RBM20: variants seen among roughly 807,000 people sequenced by gnomAD.
The protein encoded by RBM20 is RNA-binding protein 20.
RBM20 carries 51 observed loss-of-function variants against 110.1 expected under a neutral mutation model. The observed-to-expected ratio is 0.46, with a 90% confidence interval of 0.37 to 0.59. The LOEUF is 0.59. Among genes scored for constraint, RBM20 ranks in the 20% least tolerant of loss-of-function variants. The pLI, the probability that RBM20 is intolerant of heterozygous loss-of-function variation, is 0.00. For missense variants in RBM20, 1,512 were observed against 1,574.9 expected (o/e 0.96, Z 0.68); for synonymous variants, 589 against 618.2 (o/e 0.95, Z 0.70).
chr10:110,667,993 G>A (rs1862204010), intron 1 of RBM20, among the ~76,000 whole-genome samples: 3 of 152,176 alleles, frequency 2.0e-5, no homozygotes, highest in Admixed American at 6.5e-5. Flanking sequence ...AATAGAACAT[G>A]CTGCATTTCC....
Position 110,820,708 on chromosome 10 carries a change from G to A in RBM20, c.2655+532G>A, listed in dbSNP as rs60838227. Among the ~76,000 whole-genome samples the A allele has an allele frequency of 9.4e-3, 1,439 of 152,344 alleles. 18 individuals are homozygous for A. Among genetic ancestry groups the A allele is most frequent in the South Asian group, 0.05 (242 of 4,826 alleles). On this transcript the variant is annotated intron_variant, in intron 10 of 13. Transcript: ENST00000369519. ...AACAGGGCCATCTTCGTGCCTTTCC[G>A]GTCAGGAGAGGCAGGAGAAATGAGT...
intron 1 of RBM20, among the ~76,000 whole-genome samples, chr10:110,737,446 T>C (rs1487040824): frequency 6.6e-6 from 1 of 152,164 alleles, no homozygotes; most frequent in East Asian, 1.9e-4. Flanking sequence ...ATAGAAATAA[T>C]GTGTGAACAG....
intron 9 of RBM20, among the ~76,000 whole-genome samples, 169 bp downstream of exon 9, chr10:110,813,116 C>T (rs1844797150): frequency 6.6e-6 from 1 of 152,184 alleles, no homozygotes; most frequent in Admixed American, 6.5e-5. Context: ...ATTTAATCCT[C>T]ACAGGTTTTG....
At chr10:110,715,706 C>T (rs1191398558) in intron 1 of RBM20, among the ~76,000 whole-genome samples, 1 of 152,174 alleles carries the variant, frequency 6.6e-6, no homozygotes, top group Non-Finnish European at 1.5e-5. Flanking sequence ...GGGGTTCCAC[C>T]ATCTTATAGC....
intron 6 of RBM20, among the ~76,000 whole-genome samples, chr10:110,799,470 A>G (rs1323745822): frequency 6.6e-6 from 1 of 152,194 alleles, no homozygotes; most frequent in African/African-American, 2.4e-5. Context: ...TAAGTGAGGT[A>G]TAAAACACAT....
In RBM20 at chr10:110,711,329, CAAAA is replaced by C. The variant is rs1157753270; in HGVS notation, c.191+66709_191+66712del. 7.6e-3 allele frequency among the ~76,000 whole-genome samples: 215 copies of C among 28,386 alleles called. 1 individual carries two copies. Among genetic ancestry groups the C allele is most frequent in the African/African-American group, 0.031 (192 of 6,184 alleles). The allele number at this position is 28,386 out of a possible 152,430, so 18.6% of individuals were successfully genotyped here. ...TGGGAGACAGAGTGAGACTCCATCT[CAAAA>C]AAAAAAAAAAAAAAAAAAAAAAAAG... On this transcript the variant is annotated intron_variant, in intron 1 of 13. Coordinates refer to ENST00000369519, the MANE Select transcript of RBM20 (RefSeq NM_001134363.3).
intron 1 of RBM20, among the ~76,000 whole-genome samples, chr10:110,728,002 T>A (rs560094729): frequency 2.0e-4 from 30 of 152,362 alleles, no homozygotes; most frequent in African/African-American, 7.0e-4. Context: ...TATGGCTGCA[T>A]AGTATTTCAC....
intron 7 of RBM20, among the ~76,000 whole-genome samples, chr10:110,802,793 G>T (rs1049814385): frequency 6.6e-6 from 1 of 152,224 alleles, no homozygotes; most frequent in Non-Finnish European, 1.5e-5. Context: ...GCTCAGTCTG[G>T]TGGGAGAAAA....
At chr10:110,827,720 G>A (rs1844999624) in intron 12 of RBM20, 1 of 152,102 alleles carries the variant, frequency 6.6e-6, no homozygotes. Flanking sequence ...CCAGTGGGAG[G>A]TACTTAATAA....
intron 1 of RBM20, among the ~76,000 whole-genome samples, chr10:110,656,406 T>C (rs1381597571): frequency 6.6e-6 from 1 of 152,222 alleles, no homozygotes; most frequent in Non-Finnish European, 1.5e-5. Flanking sequence ...GAACCACTGA[T>C]CTGCTTTCTT....
rs112536371 is a variant in RBM20, at chr10:110,650,356, A to G, written c.191+5711A>G. 2.9e-3 allele frequency among the ~76,000 whole-genome samples: 438 copies of G among 152,316 alleles called. 2 individuals carry two copies. The highest frequency in any genetic ancestry group is 4.7e-3 in the Non-Finnish European group (317 of 68,024). ...AACTTTTCCAACTTGCTGACAGCAGATCTGTAGGGGAGATGGCACATATTG... is the reference window on the plus strand; with the variant it reads ...AACTTTTCCAACTTGCTGACAGCAGGTCTGTAGGGGAGATGGCACATATTG... On this transcript the variant is annotated intron_variant, in intron 1 of 13. Coordinates refer to ENST00000369519, the MANE Select transcript of RBM20 (RefSeq NM_001134363.3).
chr10:110,697,891 G>A (rs1046876148), intron 1 of RBM20, among the ~76,000 whole-genome samples: 4 of 149,592 alleles, frequency 2.7e-5, no homozygotes, highest in Admixed American at 1.3e-4. Context: ...AAGAAACAGG[G>A]GCCTTGTTTC....
intron 9 of RBM20, among the ~76,000 whole-genome samples, chr10:110,817,134 A>C (rs1293468037): frequency 6.6e-6 from 1 of 152,178 alleles, no homozygotes; most frequent in Non-Finnish European, 1.5e-5. Flanking sequence ...TGACTAGGGA[A>C]GGGAAGCCAG....
At chr10:110,681,029 CT>C (rs1255622549) in intron 1 of RBM20, among the ~76,000 whole-genome samples, 1 of 152,200 alleles carries the variant, frequency 6.6e-6, no homozygotes, top group East Asian at 1.9e-4. Flanking sequence ...TGGATGGTTT[CT>C]GTCTAGGGGG....
intron 1 of RBM20, among the ~76,000 whole-genome samples, chr10:110,695,384 G>A (rs1399826493): frequency 6.6e-6 from 1 of 152,220 alleles, no homozygotes; most frequent in African/African-American, 2.4e-5. Context: ...GAATATGTCG[G>A]AAGGTGGCTC....
At chr10:110,716,923 GAAAAA>G (rs34627248) in intron 1 of RBM20, among the ~76,000 whole-genome samples, 4 of 144,526 alleles carry the variant, frequency 2.8e-5, no homozygotes, top group Non-Finnish European at 6.1e-5. Flanking sequence ...AAAAAAAAAA[GAAAAA>G]AAAAAAAGAT....
chr10:110,754,282 A>G (rs1843895214), intron 1 of RBM20, among the ~76,000 whole-genome samples: 2 of 152,188 alleles, frequency 1.3e-5, no homozygotes, highest in South Asian at 4.1e-4. Context: ...TCTTGGTTTT[A>G]ATCACTGTGA....
rs541104489 is a variant in RBM20 at position 110,774,598 on chromosome 10, C to T, written c.192-6203C>T. ...TTCCAGTCCCAGCTCTTCTCTGTCT[C>T]GGTGTGTGACTTAGGCGGTTTCACA... On this transcript the variant is annotated intron_variant, in intron 1 of 13. Coordinates refer to ENST00000369519, the MANE Select transcript of RBM20 (RefSeq NM_001134363.3). Among the ~76,000 whole-genome samples, 83 of 152,176 alleles carry T rather than the reference C, an allele frequency of 5.5e-4. No homozygotes were observed. In the South Asian group the frequency reaches 0.012, roughly 23 times the overall value.
intron 1 of RBM20, among the ~76,000 whole-genome samples, chr10:110,713,551 T>C (rs972281485): frequency 6.6e-6 from 1 of 152,214 alleles, no homozygotes; most frequent in African/African-American, 2.4e-5. Flanking sequence ...CATTTAATAA[T>C]TCAGTACTGC....
Sources: gnomAD v4.1 joint callset for allele counts (sites outside exome capture counted in the v4.1 genomes callset) on GRCh38, gnomAD v4.1.1 for gene constraint, MANE v1.5 for transcripts, NCBI Gene and HGNC (gene_info 2026-07-23, HGNC 2026-07-21) for gene names.